TMEM178B: variants seen among roughly 807,000 people sequenced by gnomAD.
The protein encoded by TMEM178B is transmembrane protein 178B.
A neutral mutation model predicts 31.0 loss-of-function variants in TMEM178B; 5 were observed. The ratio of observed to expected loss-of-function variants is 0.16; its 90% CI spans 0.08 to 0.34. TMEM178B has a LOEUF of 0.34. Ranked by LOEUF, TMEM178B falls within the 10% of genes least tolerant of loss-of-function variation. TMEM178B has a pLI of 1.00. For missense variants in TMEM178B, 275 were observed against 400.3 expected (o/e 0.69, Z 2.67); for synonymous variants, 164 against 164.0 (o/e 1.00, Z 0.00).
chr7:141,431,305 T>G (rs1801425197), intron 2 of TMEM178B: 1 of 152,228 alleles, frequency 6.6e-6, no homozygotes, highest in African/African-American at 2.4e-5. Context: ...GCAGATATCC[T>G]GGTTTCCTGT....
intron 2 of TMEM178B, among the ~76,000 whole-genome samples, chr7:141,232,584 A>G (rs1797465131): frequency 6.6e-6 from 1 of 152,244 alleles, no homozygotes. Context: ...TAAATCCAGC[A>G]GCACACAAGC....
At chr7:141,238,530 A>G (rs977538673) in intron 2 of TMEM178B, among the ~76,000 whole-genome samples, 1 of 152,194 alleles carries the variant, frequency 6.6e-6, no homozygotes, top group African/African-American at 2.4e-5. Context: ...CTACAGTATC[A>G]GGGCTGCAGT....
chr7:141,101,288 TAA>T (rs1251593996), intron 1 of TMEM178B, among the ~76,000 whole-genome samples: 6 of 152,208 alleles, frequency 3.9e-5, no homozygotes, highest in Non-Finnish European at 8.8e-5. Context: ...TGAATGACAA[TAA>T]AATGTTTCAT....
intron 2 of TMEM178B, among the ~76,000 whole-genome samples, chr7:141,273,487 G>A (rs1210059127): frequency 1.3e-5 from 2 of 152,170 alleles, no homozygotes; most frequent in Non-Finnish European, 2.9e-5. Context: ...TATAAGAAGC[G>A]AGTGAGAAAT....
intron 2 of TMEM178B, among the ~76,000 whole-genome samples, chr7:141,349,376 G>A (rs138924002): frequency 6.6e-6 from 1 of 152,226 alleles, no homozygotes; most frequent in African/African-American, 2.4e-5. Flanking sequence ...AAAAGCAGAC[G>A]TATTGCAGGA....
intron 1 of TMEM178B, among the ~76,000 whole-genome samples, chr7:141,167,474 C>T (rs934761555): frequency 1.3e-5 from 2 of 152,262 alleles, no homozygotes; most frequent in South Asian, 4.1e-4. Context: ...TCCTCATTCC[C>T]ATCAGGTTCT....
At chr7:141,326,213 A>G (rs1799187246) in intron 2 of TMEM178B, among the ~76,000 whole-genome samples, 1 of 152,102 alleles carries the variant, frequency 6.6e-6, no homozygotes, top group Non-Finnish European at 1.5e-5. Context: ...CTGAGTAGAA[A>G]CTCAGGTAAT....
intron 1 of TMEM178B, among the ~76,000 whole-genome samples, chr7:141,176,067 C>G (rs1419475504): frequency 6.6e-6 from 1 of 152,144 alleles, no homozygotes; most frequent in African/African-American, 2.4e-5. Context: ...CAGTTTTTGT[C>G]CATTCAGCAT....
At position 141,163,532 on chromosome 7, in the gene TMEM178B, A is replaced by G. The variant is rs536173670; in HGVS notation, c.383-49059A>G. On this transcript the variant is annotated intron_variant, in intron 1 of 3. Transcript: ENST00000565468. ...CAGCAATTTTTTTTTTTTTTTTTTGAGACGGTGTCTTGTTCTGTGGCCCAG... is the reference window on the plus strand; with the variant it reads ...CAGCAATTTTTTTTTTTTTTTTTTGGGACGGTGTCTTGTTCTGTGGCCCAG... Among the ~76,000 whole-genome samples the G allele has an allele frequency of 7.4e-5, 10 of 135,250 alleles. No homozygotes were observed. In the East Asian group the frequency reaches 1.9e-3, roughly 26 times the overall value. 88.7% of individuals were successfully genotyped at this position (135,250 alleles called of 152,430 possible). A position where few individuals can be genotyped will look rare whatever the true frequency, so the allele number is the denominator to read the frequency against.
chr7:141,276,151 G>A (rs756410491), intron 2 of TMEM178B, among the ~76,000 whole-genome samples: 2 of 152,144 alleles, frequency 1.3e-5, no homozygotes, highest in Non-Finnish European at 2.9e-5. Context: ...GAAACAGTGA[G>A]TTTTGAGATG....
At chr7:141,245,026 A>G (rs1442375889) in intron 2 of TMEM178B, among the ~76,000 whole-genome samples, 1 of 151,260 alleles carries the variant, frequency 6.6e-6, no homozygotes, top group East Asian at 1.9e-4. Flanking sequence ...AATCCCAGCT[A>G]CTCGGGAGGG....
At chr7:141,088,814 G>GA (rs1265145240) in intron 1 of TMEM178B, among the ~76,000 whole-genome samples, 2 of 151,524 alleles carry the variant, frequency 1.3e-5, no homozygotes, top group East Asian at 1.9e-4. Flanking sequence ...GAGGCTTTAA[G>GA]AAAAAAAATA....
chr7:141,342,241 G>A (rs564785064), intron 2 of TMEM178B, among the ~76,000 whole-genome samples: 9 of 152,202 alleles, frequency 5.9e-5, no homozygotes, highest in East Asian at 3.9e-4. Flanking sequence ...AGCCACACCC[G>A]GCCCAAAATA....
chr7:141,251,073 T>G (rs796338819), intron 2 of TMEM178B, among the ~76,000 whole-genome samples: 1 of 152,130 alleles, frequency 6.6e-6, no homozygotes, highest in African/African-American at 2.4e-5. Context: ...TTGCAGATCT[T>G]TTTTAAGCAT....
chr7:141,373,841 A>C lies in TMEM178B; in HGVS notation c.497-63767A>C, dbSNP rs957145306. On this transcript the variant is annotated intron_variant, in intron 2 of 3. Transcript: ENST00000565468. ...GGTCCAGAGGCAGGGAATTGAAAATATTTAAACCTCTGCTCAGGAGTCAAA... is the reference window on the plus strand; with the variant it reads ...GGTCCAGAGGCAGGGAATTGAAAATCTTTAAACCTCTGCTCAGGAGTCAAA... 2.1e-4 allele frequency among the ~76,000 whole-genome samples: 32 copies of C among 152,344 alleles called. 1 individual carries two copies. Among genetic ancestry groups the C allele is most frequent in the African/African-American group, 6.7e-4 (28 of 41,582 alleles).
At chr7:141,389,580 G>C (rs1251044302) in intron 2 of TMEM178B, among the ~76,000 whole-genome samples, 1 of 152,198 alleles carries the variant, frequency 6.6e-6, no homozygotes. Context: ...TAAGATCTCT[G>C]ATGAGCCAAT....
At chr7:141,408,360 A>G (rs893231421) in intron 2 of TMEM178B, among the ~76,000 whole-genome samples, 1 of 152,168 alleles carries the variant, frequency 6.6e-6, no homozygotes, top group Non-Finnish European at 1.5e-5. Context: ...ATTATGTGCC[A>G]AGCACTGTAT....
At chr7:141,196,530 C>T (rs1796785796) in intron 1 of TMEM178B, among the ~76,000 whole-genome samples, 1 of 152,192 alleles carries the variant, frequency 6.6e-6, no homozygotes, top group Admixed American at 6.5e-5. Context: ...GAATGTGGAG[C>T]AGCGTTTCTG....
chr7:141,191,337 C>T (rs1197913871), intron 1 of TMEM178B, among the ~76,000 whole-genome samples: 2 of 152,326 alleles, frequency 1.3e-5, no homozygotes, highest in South Asian at 4.1e-4. Context: ...TCATTTCACA[C>T]CTGTGAAACA....
Sources: allele counts gnomAD v4.1 joint callset (sites outside exome capture counted in the v4.1 genomes callset), GRCh38; gene constraint gnomAD v4.1.1; transcripts MANE v1.5; gene names NCBI Gene and HGNC (gene_info 2026-07-23, HGNC 2026-07-21).